The following MACROD2 variants were observed in gnomAD, a reference collection of about 807,000 sequenced individuals.
MACROD2 encodes the protein mono-ADP ribosylhydrolase 2.
Under a neutral mutation model 70.4 loss-of-function variants are expected in MACROD2, and 36 were observed. The ratio of observed to expected loss-of-function variants is 0.51; its 90% CI spans 0.39 to 0.68. MACROD2 has a LOEUF of 0.68. Ranked by LOEUF, MACROD2 falls within the 30% of genes least tolerant of loss-of-function variation. The pLI is 0.00. For synonymous variants in MACROD2, 172 were observed against 178.8 expected, an observed-to-expected ratio of 0.96 and a Z score of 0.30; for missense variants, 496 against 538.4, an observed-to-expected ratio of 0.92 and a Z score of 0.78.
intron 7 of MACROD2, among the ~76,000 whole-genome samples, chr20:15,451,777 C>T (rs2046647011): frequency 6.6e-6 from 1 of 152,178 alleles, no homozygotes; most frequent in African/African-American, 2.4e-5. Context: ...GTTTGCCTGT[C>T]ACTACCACTA....
At chr20:14,323,821 T>C (rs1972283557) in intron 3 of MACROD2, 1 of 152,180 alleles carries the variant, frequency 6.6e-6, no homozygotes, top group Non-Finnish European at 1.5e-5. Flanking sequence ...AAAAACAGTT[T>C]TTCAAAGACC....
intron 2 of MACROD2, among the ~76,000 whole-genome samples, chr20:14,064,527 C>A (rs560542967): frequency 6.6e-6 from 1 of 152,196 alleles, no homozygotes; most frequent in African/African-American, 2.4e-5. Flanking sequence ...GGAAGTCAAC[C>A]TCAGCAATTT....
chr20:14,701,452 C>T (rs1451843619), intron 5 of MACROD2, among the ~76,000 whole-genome samples: 3 of 152,142 alleles, frequency 2.0e-5, no homozygotes, highest in Non-Finnish European at 2.9e-5. Context: ...TTTGCCTCAT[C>T]GGTGATGCCA....
chr20:14,286,839 G>A (rs769996222), intron 3 of MACROD2, among the ~76,000 whole-genome samples: 2 of 152,218 alleles, frequency 1.3e-5, no homozygotes, highest in Non-Finnish European at 2.9e-5. Context: ...TCTCATGCCA[G>A]GATATTAAGC....
chr20:16,018,063 G>T (rs1037037936), intron 15 of MACROD2, among the ~76,000 whole-genome samples: 1 of 152,170 alleles, frequency 6.6e-6, no homozygotes, highest in Non-Finnish European at 1.5e-5. Flanking sequence ...AAGGCCTTTA[G>T]CCCTCTTCAT....
chr20:15,870,638 A>G (rs2064567125), intron 9 of MACROD2, among the ~76,000 whole-genome samples: 1 of 152,130 alleles, frequency 6.6e-6, no homozygotes, highest in Non-Finnish European at 1.5e-5. Context: ...ATGTAGCAGG[A>G]AGACCCTCAC....
chr20:14,776,286 A>G (rs939215515), intron 5 of MACROD2, among the ~76,000 whole-genome samples: 5 of 152,006 alleles, frequency 3.3e-5, no homozygotes, highest in Non-Finnish European at 7.4e-5. Context: ...AAAAATGATC[A>G]TCCATATCTT....
chr20:14,235,918 CT>C (rs1177667404), intron 3 of MACROD2, among the ~76,000 whole-genome samples: 7 of 9,216 alleles, frequency 7.6e-4, no homozygotes, highest in Admixed American at 2.7e-3. Context: ...GAAAAACATA[CT>C]TAATAGTATT....
rs117692153 is a variant in MACROD2 at position 15,873,694 on chromosome 20, A to G, written c.727+10868A>G. Among the ~76,000 whole-genome samples, 577 of 152,140 alleles carry G rather than the reference A, an allele frequency of 3.8e-3. 5 individuals carry two copies. Among genetic ancestry groups the G allele is most frequent in the South Asian group, 0.011 (53 of 4,830 alleles). On this transcript the variant is annotated intron_variant, in intron 9 of 17. Transcript: ENST00000684519. ...TAAAATATATAAAAAAGAAAGAAGG[A>G]AGGAAGGAAGGAAGGAGAAAAGGGA...
intron 5 of MACROD2, among the ~76,000 whole-genome samples, chr20:14,910,681 C>G (rs1444013720): frequency 6.6e-6 from 1 of 152,144 alleles, no homozygotes; most frequent in Non-Finnish European, 1.5e-5. Flanking sequence ...AGTTTGGTTA[C>G]AACCCATTGA....
intron 5 of MACROD2, among the ~76,000 whole-genome samples, chr20:14,901,246 ATTGT>A (rs1164874397): frequency 6.6e-6 from 1 of 152,064 alleles, no homozygotes; most frequent in Non-Finnish European, 1.5e-5. Flanking sequence ...CATTAGACAA[ATTGT>A]TTGAAGTTTT....
intron 4 of MACROD2, among the ~76,000 whole-genome samples, chr20:14,603,720 T>C (rs1253942856): frequency 6.6e-6 from 1 of 152,218 alleles, no homozygotes; most frequent in Non-Finnish European, 1.5e-5. Flanking sequence ...CTTTTGATGC[T>C]CTAACAGGAG....
chr20:15,258,562 A>G (rs2077220257), intron 6 of MACROD2, among the ~76,000 whole-genome samples: 1 of 152,042 alleles, frequency 6.6e-6, no homozygotes, highest in African/African-American at 2.4e-5. Flanking sequence ...ACTTTACCAT[A>G]CAGCCTAGGT....
chr20:15,014,357 T>C (rs77826701), intron 5 of MACROD2, among the ~76,000 whole-genome samples: 3,074 of 152,306 alleles, frequency 0.02, 48 homozygotes, highest in Non-Finnish European at 0.035. Context: ...TTTATGGTGA[T>C]GTGAAGGAAA....
intron 5 of MACROD2, among the ~76,000 whole-genome samples, chr20:14,995,229 TG>T (rs2074939098): frequency 6.6e-6 from 1 of 152,186 alleles, no homozygotes; most frequent in Admixed American, 6.5e-5. Flanking sequence ...TTTTACCTAT[TG>T]TGTGTTTTAT....
chr20:16,041,930 G>T (rs1418541798), intron 16 of MACROD2, among the ~76,000 whole-genome samples: 1 of 151,944 alleles, frequency 6.6e-6, no homozygotes, highest in Admixed American at 6.6e-5. Flanking sequence ...AACTATTTAA[G>T]CCTACCTAAT....
At chr20:15,104,949 A>C (rs533297625) in intron 5 of MACROD2, among the ~76,000 whole-genome samples, 25 of 152,314 alleles carry the variant, frequency 1.6e-4, no homozygotes, top group Middle Eastern at 3.4e-3. Flanking sequence ...AGGTGACTAT[A>C]CTATTCTTTT....
At chr20:15,320,511 C>T (rs1330093327) in intron 6 of MACROD2, among the ~76,000 whole-genome samples, 2 of 152,184 alleles carry the variant, frequency 1.3e-5, no homozygotes, top group African/African-American at 4.8e-5. Context: ...TTCTTAGAGT[C>T]TGACAGACCT....
chr20:14,716,895 T>C (rs886163600), intron 5 of MACROD2, among the ~76,000 whole-genome samples: 1 of 152,160 alleles, frequency 6.6e-6, no homozygotes, highest in Non-Finnish European at 1.5e-5. Flanking sequence ...ATTGGCTTTG[T>C]TTTTAGAGAT....
Sources: allele counts gnomAD v4.1 joint callset (sites outside exome capture counted in the v4.1 genomes callset), GRCh38; gene constraint gnomAD v4.1.1; transcripts MANE v1.5; gene names NCBI Gene and HGNC (gene_info 2026-07-23, HGNC 2026-07-21).